Variants in ANKS1B observed in about 807,000 individuals in gnomAD.
ANKS1B encodes the protein ankyrin repeat and sterile alpha motif domain containing 1B, also known as ankyrin repeat and sterile alpha motif domain-containing protein 1B.
Under a neutral mutation model 148.3 loss-of-function variants are expected in ANKS1B, and 36 were observed. That is an observed-to-expected ratio of 0.24 (90% CI 0.19 to 0.32). ANKS1B has a LOEUF of 0.32. Ranked by LOEUF, ANKS1B falls within the 10% of genes least tolerant of loss-of-function variation. ANKS1B has a pLI of 1.00. For synonymous variants in ANKS1B, 542 were observed against 560.8 expected (o/e 0.97, Z 0.47); for missense variants, 1,157 against 1,542.6 (o/e 0.75, Z 4.19).
At chr12:99,911,347 G>A (rs1363869346) in intron 1 of ANKS1B, among the ~76,000 whole-genome samples, 1 of 152,076 alleles carries the variant, frequency 6.6e-6, no homozygotes, top group African/African-American at 2.4e-5. Context: ...AACCAGGCCA[G>A]CCAAATTCCA....
At chr12:99,395,542 T>TAA (rs1481808106) in intron 12 of ANKS1B, among the ~76,000 whole-genome samples, 19 of 152,288 alleles carry the variant, frequency 1.2e-4, no homozygotes, top group Admixed American at 1.1e-3. Flanking sequence ...CTTAAACCAA[T>TAA]TTACATTTTC....
At chr12:98,805,818 A>G (rs1036970846) in intron 20 of ANKS1B, among the ~76,000 whole-genome samples, 1 of 152,198 alleles carries the variant, frequency 6.6e-6, no homozygotes, top group African/African-American at 2.4e-5. Flanking sequence ...TACATATTCT[A>G]TATGCTCTGA....
At chr12:99,492,887 C>T (rs2096568257) in intron 10 of ANKS1B, among the ~76,000 whole-genome samples, 1 of 152,002 alleles carries the variant, frequency 6.6e-6, no homozygotes, top group Non-Finnish European at 1.5e-5. Context: ...AGGCACAGAC[C>T]TCAAAATAAT....
chr12:99,073,480 C>T (rs577718800), intron 16 of ANKS1B, among the ~76,000 whole-genome samples: 1 of 152,334 alleles, frequency 6.6e-6, no homozygotes, highest in South Asian at 2.1e-4. Flanking sequence ...TGAAACAGCA[C>T]AGTATGCTAT....
At chr12:99,106,218 C>G in intron 15 of ANKS1B, among the ~76,000 whole-genome samples, 1 of 151,346 alleles carries the variant, frequency 6.6e-6, no homozygotes, top group Admixed American at 6.5e-5. Context: ...AAGAAATTTC[C>G]CATTATTCTA....
At chr12:98,759,804 A>C (rs76916173) in intron 25 of ANKS1B, among the ~76,000 whole-genome samples, 11,548 of 152,108 alleles carry the variant, frequency 0.076, 580 homozygotes, top group South Asian at 0.16. Context: ...ACATGGTGAA[A>C]CGCTGTCTCT....
intron 9 of ANKS1B, among the ~76,000 whole-genome samples, chr12:99,579,246 T>G (rs2097547731): frequency 2.0e-5 from 3 of 152,038 alleles, no homozygotes; most frequent in Admixed American, 2.0e-4. Flanking sequence ...GTTTAAAACT[T>G]TAGAAGAAAA....
At chr12:99,127,595 C>A (rs2064794009) in intron 15 of ANKS1B, among the ~76,000 whole-genome samples, 2 of 152,182 alleles carry the variant, frequency 1.3e-5, no homozygotes, top group African/African-American at 4.8e-5. Flanking sequence ...GAATTGTTTT[C>A]CTCTGGGAAG....
At chr12:99,066,271 A>G (rs1275649870) in intron 16 of ANKS1B, among the ~76,000 whole-genome samples, 4 of 152,132 alleles carry the variant, frequency 2.6e-5, no homozygotes, top group Non-Finnish European at 5.9e-5. Flanking sequence ...CAGTGTGTTG[A>G]GATTGTGCCA....
At chr12:99,453,702 T>C (rs143246251) in intron 10 of ANKS1B, among the ~76,000 whole-genome samples, 3 of 152,352 alleles carry the variant, frequency 2.0e-5, no homozygotes, top group African/African-American at 4.8e-5. Context: ...CGGCCACAAA[T>C]AGCAATAGAT....
At chr12:99,889,228 C>G (rs1024313903) in intron 1 of ANKS1B, among the ~76,000 whole-genome samples, 1 of 151,986 alleles carries the variant, frequency 6.6e-6, no homozygotes, top group Non-Finnish European at 1.5e-5. Flanking sequence ...TGTGACAAAC[C>G]ATGTGAGATG....
chr12:99,769,172 T>A (rs894430951), intron 8 of ANKS1B, among the ~76,000 whole-genome samples: 8 of 152,124 alleles, frequency 5.3e-5, no homozygotes, highest in African/African-American at 1.9e-4. Context: ...ATTCTAGTTT[T>A]GTGGTGTTTT....
chr12:99,412,158 T>C (rs1167443938), intron 11 of ANKS1B, among the ~76,000 whole-genome samples: 1 of 152,200 alleles, frequency 6.6e-6, no homozygotes, highest in Non-Finnish European at 1.5e-5. Context: ...CTGAGGATAC[T>C]GATTAGAGTC....
chr12:99,517,207 T>C (rs1356085418), intron 9 of ANKS1B, among the ~76,000 whole-genome samples: 1 of 152,144 alleles, frequency 6.6e-6, no homozygotes, highest in Non-Finnish European at 1.5e-5. Flanking sequence ...TATTTTATAG[T>C]TTTCATTGTA....
At chr12:99,038,241 G>C (rs1041106098) in intron 17 of ANKS1B, among the ~76,000 whole-genome samples, 1 of 152,040 alleles carries the variant, frequency 6.6e-6, no homozygotes, top group African/African-American at 2.4e-5. Flanking sequence ...ATGTCCAAAT[G>C]GAACTCTTGA....
At chr12:99,344,104 CAT>C (rs1429347090) in intron 12 of ANKS1B, among the ~76,000 whole-genome samples, 1 of 151,990 alleles carries the variant, frequency 6.6e-6, no homozygotes, top group Non-Finnish European at 1.5e-5. Flanking sequence ...TTGACAAACA[CAT>C]GAGTCTTATT....
At chr12:99,722,977 C>G (rs1196201509) in intron 8 of ANKS1B, among the ~76,000 whole-genome samples, 3 of 152,178 alleles carry the variant, frequency 2.0e-5, no homozygotes, top group Non-Finnish European at 4.4e-5. Flanking sequence ...GTGTGCCATC[C>G]AGCCTGGGAA....
At chr12:99,696,369 G>T (rs542764912) in intron 8 of ANKS1B, among the ~76,000 whole-genome samples, 26 of 152,176 alleles carry the variant, frequency 1.7e-4, no homozygotes, top group African/African-American at 6.0e-4. Flanking sequence ...AGACAGTGTG[G>T]TATTGGTGAA....
At chr12:98,998,929 C>T (rs1251050841) in intron 17 of ANKS1B, among the ~76,000 whole-genome samples, 2 of 152,198 alleles carry the variant, frequency 1.3e-5, no homozygotes, top group Admixed American at 1.3e-4. Context: ...CTACACTTTA[C>T]TATTGCTAAA....
Sources: gnomAD v4.1 joint callset for allele counts (sites outside exome capture counted in the v4.1 genomes callset) on GRCh38, gnomAD v4.1.1 for gene constraint, MANE v1.5 for transcripts, NCBI Gene and HGNC (gene_info 2026-07-23, HGNC 2026-07-21) for gene names.